ALPK1: variants seen among roughly 807,000 people sequenced by gnomAD.
ALPK1 encodes alpha kinase 1, also known as alpha-protein kinase 1.
ALPK1 carries 110 observed loss-of-function variants against 120.6 expected under a neutral mutation model. The observed-to-expected ratio is 0.91, with a 90% CI of 0.78 to 1.07. ALPK1 has a LOEUF of 1.07. Among genes scored for constraint, ALPK1 ranks in the 50% least tolerant of loss-of-function variants. The pLI, the probability that ALPK1 is intolerant of heterozygous loss-of-function variation, is 0.00. For synonymous variants in ALPK1, 582 were observed against 560.3 expected, an observed-to-expected ratio of 1.04 and a Z score of -0.55; for missense variants, 1,498 against 1,483.9, an observed-to-expected ratio of 1.01 and a Z score of -0.16.
At chr4:112,324,803 C>A (rs574434257) in intron 2 of ALPK1, among the ~76,000 whole-genome samples, 1 of 152,242 alleles carries the variant, frequency 6.6e-6, no homozygotes, top group East Asian at 1.9e-4. Context: ...ACATACACTG[C>A]AAGAACTTGC....
chr4:112,369,287 C>T lies in ALPK1; in HGVS notation c.-100-8391C>T, dbSNP rs541129359. On this transcript the variant is annotated intron_variant, in intron 2 of 15. Coordinates refer to ENST00000650871, the MANE Select transcript of ALPK1 (RefSeq NM_025144.4). ...CTTTCTGAGCCCCACACTTGCCTTACTCTCCAGTCAGCTGCCTCTTTCTCC... is the reference window on the plus strand; with the variant it reads ...CTTTCTGAGCCCCACACTTGCCTTATTCTCCAGTCAGCTGCCTCTTTCTCC... 2.6e-5 allele frequency among the ~76,000 whole-genome samples: 4 copies of T among 152,266 alleles called. No individual in the cohort carries two copies. The South Asian group carries it at 8.3e-4, about 32-fold the overall frequency.
chr4:112,302,736 G>GCAAACAAA (rs74913108), intron 1 of ALPK1, among the ~76,000 whole-genome samples: 3,025 of 150,864 alleles, frequency 0.02, 105 homozygotes, highest in East Asian at 0.16. Flanking sequence ...AAAAAAGCAA[G>GCAAACAAA]CAAACAAACA....
At position 112,406,867 on chromosome 4, in the gene ALPK1, A is replaced by G. The variant is rs76771123; in HGVS notation, c.277-4960A>G. On this transcript the variant is annotated intron_variant, in intron 4 of 15. Coordinates refer to ENST00000650871, the MANE Select transcript of ALPK1 (RefSeq NM_025144.4). ...TGCTGAGTCCCATCGCACCTAGTCTATTATCATTAGTCATACTCCTTCTGT... is the reference window on the plus strand; with the variant it reads ...TGCTGAGTCCCATCGCACCTAGTCTGTTATCATTAGTCATACTCCTTCTGT... Among the ~76,000 whole-genome samples, 247 of 152,280 alleles carry G rather than the reference A, an allele frequency of 1.6e-3. 10 individuals are homozygous for G. The East Asian group carries it at 0.046, about 28-fold the overall frequency.
rs1358908210 is a variant in ALPK1 at position 112,430,900 on chromosome 4, T to C, written c.1353T>C (p.Asp451=). The change falls in exon 11 of 16, where the codon GAT becomes GAC. Residue 451 remains aspartate (D), a synonymous_variant. Transcript: ENST00000650871. Reference sequence around the variant, plus strand: ...AACTTATCTTGCATGGGCAAGGGGATTTCCAAAAAATCCTTGACACCTATT... The same window carrying C: ...AACTTATCTTGCATGGGCAAGGGGACTTCCAAAAAATCCTTGACACCTATT... The part of the protein sequence containing the change: ...LDKLILHGQG[D]FQKILDTYSQ... The C allele has an allele frequency of 8.1e-6, 13 of 1,614,076 alleles. No individual in the cohort carries two copies. The highest frequency in any genetic ancestry group is 1.1e-5 in the Non-Finnish European group (13 of 1,179,978).
intron 2 of ALPK1, among the ~76,000 whole-genome samples, chr4:112,347,204 C>T (rs1017649550): frequency 6.6e-6 from 1 of 152,130 alleles, no homozygotes; most frequent in Non-Finnish European, 1.5e-5. Context: ...CTAATGATTT[C>T]TGCTTGTCAG....
At chr4:112,434,800 C>T (rs1036618725) in intron 11 of ALPK1, among the ~76,000 whole-genome samples, 1 of 152,174 alleles carries the variant, frequency 6.6e-6, no homozygotes, top group South Asian at 2.1e-4. Flanking sequence ...GCATGTGTCA[C>T]TTGTCCCAAA....
At chr4:112,391,971 A>G (rs1578529131) in intron 4 of ALPK1, among the ~76,000 whole-genome samples, 2 of 38,294 alleles carry the variant, frequency 5.2e-5, no homozygotes, top group East Asian at 4.0e-3. Context: ...AGTCCACAGG[A>G]AAAAAAAACA....
chr4:112,303,408 A>G lies in ALPK1; in HGVS notation c.-153+5939A>G, dbSNP rs559098275. Among the ~76,000 whole-genome samples, 724 of 152,306 alleles carry G rather than the reference A, an allele frequency of 4.8e-3. 5 individuals carry two copies. Among genetic ancestry groups the G allele is most frequent in the Non-Finnish European group, 7.4e-3 (506 of 68,018 alleles). On this transcript the variant is annotated intron_variant, in intron 1 of 15. Transcript: ENST00000650871. ...TGGCACTAAAATTCACCCCAAATTC[A>G]GCCAAGCCAAAAACTTTGAAGTCAC... is the stretch of plus-strand genomic sequence containing the variant.
At chr4:112,319,130 G>C (rs1482646255) in intron 2 of ALPK1, among the ~76,000 whole-genome samples, 1 of 152,214 alleles carries the variant, frequency 6.6e-6, no homozygotes, top group African/African-American at 2.4e-5. Context: ...GACCAGCCTG[G>C]AGGCTAGTGG....
At chr4:112,423,876 T>A in intron 5 of ALPK1, 68 bp from the exon 6 acceptor site, 4 of 1,512,916 alleles carry the variant, frequency 2.6e-6, no homozygotes, top group Non-Finnish European at 9.2e-7. Flanking sequence ...TCTTAGAACA[T>A]GAACAACTTG....
In ALPK1 at chr4:112,382,398, C is replaced by T; in HGVS notation, c.122C>T (p.Ala41Val). Residue 41 changes from alanine to valine, a missense_variant and splice_region_variant, in exon 4 of 16, where the codon GCT (alanine) becomes GTT (valine). Transcript: ENST00000650871. The stretch of plus-strand genomic sequence containing the variant: ...CTTACCTGAACTCTGACCTTTTCAG[C>T]TTTACTCCCCAGCGAGTTAAGGACC... Reference protein sequence around the residue: ...EDKSEDQRCRALLPSELRTLI... With the variant: ...EDKSEDQRCRVLLPSELRTLI... 6.2e-7 allele frequency: 1 copy of T among 1,606,816 alleles called. No homozygotes were observed. The highest frequency in any genetic ancestry group is 1.1e-5 in the South Asian group (1 of 90,934).
chr4:112,403,211 TC>T (rs1280798434), intron 4 of ALPK1, among the ~76,000 whole-genome samples: 14 of 127,500 alleles, frequency 1.1e-4, no homozygotes. Flanking sequence ...CCCCGCCCCC[TC>T]CCCGGCATAC....
intron 1 of ALPK1, 120 bp from the exon 2 acceptor site, chr4:112,315,681 C>G (rs1428508100): frequency 2.0e-5 from 3 of 152,184 alleles, no homozygotes; most frequent in African/African-American, 7.2e-5. Flanking sequence ...CTTCCTGTTC[C>G]CTTATCCGCT....
chr4:112,431,731 G>A lies in ALPK1; in HGVS notation c.2184G>A (p.Arg728=). Residue 728 remains arginine (R), a synonymous_variant, in exon 11 of 16, where the codon AGG becomes AGA. Transcript: ENST00000650871. ...CTTCTTGGTCTTCTGATTCTGGTAG[G>A]CCCAAGAATATGGGCACACATCCTT... ...RSASWSSDSG[R]PKNMGTHPSV... 5 of 1,614,142 alleles carry A rather than the reference G, an allele frequency of 3.1e-6. No homozygotes were observed. Among genetic ancestry groups the A allele is most frequent in the Non-Finnish European group, 4.2e-6 (5 of 1,180,030 alleles).
At chr4:112,393,595 G>C (rs1426428968) in intron 4 of ALPK1, among the ~76,000 whole-genome samples, 1 of 151,332 alleles carries the variant, frequency 6.6e-6, no homozygotes, top group African/African-American at 2.4e-5. Context: ...AGGAAGTGAA[G>C]AGAGAGAGAG....
chr4:112,357,278 G>T, intron 2 of ALPK1: 1 of 1,163,222 alleles, frequency 8.6e-7, no homozygotes, highest in South Asian at 1.4e-5. Context: ...TGGGGTGTTC[G>T]CCAACACAGC....
chr4:112,382,347 A>G, intron 3 of ALPK1, 51 bp from the exon 4 acceptor site: 1 of 1,577,350 alleles, frequency 6.3e-7, no homozygotes, highest in Non-Finnish European at 8.6e-7. Context: ...TGGTAGCTCA[A>G]CAGCCTTTTC....
chr4:112,300,177 CCAGCA>C (rs1246059100), intron 1 of ALPK1, among the ~76,000 whole-genome samples: 1 of 151,882 alleles, frequency 6.6e-6, no homozygotes, highest in Non-Finnish European at 1.5e-5. Flanking sequence ...AAAAATAGTA[CCAGCA>C]CAGAAAATAC....
rs865823511 is a variant in ALPK1 at position 112,357,726 on chromosome 4, G to C, written c.-100-19952G>C. ...CGTTTGACAGACGGTTTTCCAAGGA[G>C]TGCTTGTCCTCTTTGGGGAAGGCTC... On this transcript the variant is annotated intron_variant, in intron 2 of 15. Coordinates refer to ENST00000650871, the MANE Select transcript of ALPK1 (RefSeq NM_025144.4). 5.5e-5 allele frequency: 82 copies of C among 1,491,652 alleles called. 1 individual carries two copies. In the Middle Eastern group the frequency reaches 8.6e-4, roughly 16 times the overall value. 92.4% of individuals were successfully genotyped at this position (1,491,652 alleles called of 1,614,324 possible). A position where few individuals can be genotyped will look rare whatever the true frequency, so the allele number is the denominator to read the frequency against.
Sources: gnomAD v4.1 joint callset for allele counts (sites outside exome capture counted in the v4.1 genomes callset) on GRCh38, gnomAD v4.1.1 for gene constraint, MANE v1.5 for transcripts, NCBI Gene and HGNC (gene_info 2026-07-23, HGNC 2026-07-21) for gene names.